The following ADGRL3 variants were observed in gnomAD, a reference collection of about 807,000 sequenced individuals.
The protein encoded by ADGRL3 is calcium-independent alpha-latrotoxin receptor 3.
In ADGRL3, 62 loss-of-function variants were observed where a neutral mutation model predicts 153.5. That is an observed-to-expected ratio of 0.40 (90% CI 0.33 to 0.50). The LOEUF is 0.50. Among genes scored for constraint, ADGRL3 ranks in the 20% least tolerant of loss-of-function variants. ADGRL3 has a pLI of 0.47. For synonymous variants in ADGRL3, 710 were observed against 672.5 expected (o/e 1.06, Z -0.86); for missense variants, 1,641 against 1,859.4 (o/e 0.88, Z 2.16).
intron 1 of ADGRL3, among the ~76,000 whole-genome samples, chr4:61,311,880 A>G (rs1420969540): frequency 2.0e-5 from 3 of 152,120 alleles, no homozygotes; most frequent in African/African-American, 7.2e-5. Context: ...TGTGATAGAA[A>G]CCATGGGCTT....
intron 13 of ADGRL3, among the ~76,000 whole-genome samples, chr4:61,919,182 T>C (rs1359005885): frequency 6.6e-6 from 1 of 152,178 alleles, no homozygotes; most frequent in Non-Finnish European, 1.5e-5. Flanking sequence ...TACAATGTAG[T>C]ATATTAACTG....
At chr4:61,797,058 C>G (rs1405513796) in intron 8 of ADGRL3, among the ~76,000 whole-genome samples, 1 of 152,114 alleles carries the variant, frequency 6.6e-6, no homozygotes, top group African/African-American at 2.4e-5. Flanking sequence ...GGCATAGCAC[C>G]CCTTTACTTC....
At chr4:61,636,960 G>A (rs1183977454) in intron 5 of ADGRL3, among the ~76,000 whole-genome samples, 1 of 152,012 alleles carries the variant, frequency 6.6e-6, no homozygotes, top group Non-Finnish European at 1.5e-5. Context: ...ATAATTGAAG[G>A]TATACTATTA....
At chr4:61,517,254 C>T (rs1049985638) in intron 3 of ADGRL3, 61 bp from the exon 4 acceptor site, 20 of 688,598 alleles carry the variant, frequency 2.9e-5, no homozygotes, top group South Asian at 2.9e-4. Flanking sequence ...TCTACCAGGG[C>T]TCCCCTGAGG....
intron 6 of ADGRL3, among the ~76,000 whole-genome samples, chr4:61,725,373 G>A (rs1311415282): frequency 6.6e-6 from 1 of 151,970 alleles, no homozygotes; most frequent in Admixed American, 6.6e-5. Context: ...AGCACTTTGG[G>A]AGGCTGAGAC....
chr4:61,728,198 C>T (rs28505735), intron 6 of ADGRL3, among the ~76,000 whole-genome samples: 66,466 of 151,736 alleles, frequency 0.44, 14,795 homozygotes, highest in Admixed American at 0.54. Flanking sequence ...GATAAATGAG[C>T]TACAGCCAGT....
chr4:61,702,446 A>T (rs755980006), intron 6 of ADGRL3, among the ~76,000 whole-genome samples: 6 of 152,178 alleles, frequency 3.9e-5, no homozygotes, highest in Non-Finnish European at 5.9e-5. Flanking sequence ...AGGCTGTTTT[A>T]TAACTTTATT....
chr4:61,760,459 G>T (rs187393481), intron 8 of ADGRL3, among the ~76,000 whole-genome samples: 38 of 152,332 alleles, frequency 2.5e-4, no homozygotes, highest in Admixed American at 7.2e-4. Flanking sequence ...CTCTGAGCCA[G>T]GCACGGGATA....
chr4:61,561,152 T>G (rs2098793409), intron 4 of ADGRL3, among the ~76,000 whole-genome samples: 1 of 152,170 alleles, frequency 6.6e-6, no homozygotes, highest in Non-Finnish European at 1.5e-5. Context: ...CTAGATTCAG[T>G]TCTATTAGGA....
chr4:61,202,899 A>C lies in ADGRL3; in HGVS notation c.-240+1134A>C, dbSNP rs776989689. Among the ~76,000 whole-genome samples the C allele has an allele frequency of 1.3e-5, 2 of 152,166 alleles. No homozygotes were observed. The highest frequency in any genetic ancestry group is 2.9e-5 in the Non-Finnish European group (2 of 68,026). On this transcript the variant is annotated intron_variant, in intron 1 of 26. Transcript: ENST00000683033. The surrounding 1 kb of genome is among the most constrained non-coding windows in gnomAD (Gnocchi z 5.0). ...GATATTTGCGGGGATGCCGGAGCTGATGCTGCTGGAGCTGAGCTTGCTTAT... is the reference window on the plus strand; with the variant it reads ...GATATTTGCGGGGATGCCGGAGCTGCTGCTGCTGGAGCTGAGCTTGCTTAT...
intron 17 of ADGRL3, among the ~76,000 whole-genome samples, chr4:61,971,448 A>G (rs1239696202): frequency 6.6e-6 from 1 of 151,990 alleles, no homozygotes; most frequent in Non-Finnish European, 1.5e-5. Context: ...GAGAATGATG[A>G]TTTCCAATTT....
In ADGRL3 at chr4:61,813,853, C is replaced by A; in HGVS notation, c.1444C>A (p.His482Asn). 1.3e-6 allele frequency: 2 copies of A among 1,575,240 alleles called. No individual in the cohort carries two copies. Among genetic ancestry groups the A allele is most frequent in the Non-Finnish European group, 1.7e-6 (2 of 1,144,750 alleles). Residue 482 changes from histidine (H) to asparagine (N), a missense_variant, in exon 9 of 27, where the codon CAC becomes AAC. By Grantham distance (68) the His-to-Asn change is moderately conservative. This residue lies in a region of ADGRL3 where 734 missense variants were observed against 797.0 expected (regional missense o/e 0.92). Transcript: ENST00000683033. ...AGTTTCATACATTTCTCCGCCAATT[C>A]ACCTTGACTCTGAGCTAGAAAGACC... The part of the protein sequence containing the change: ...GQVSYISPPI[H>N]LDSELERPSV...
intron 4 of ADGRL3, among the ~76,000 whole-genome samples, chr4:61,546,188 A>C (rs2098713177): frequency 6.6e-6 from 1 of 152,192 alleles, no homozygotes; most frequent in South Asian, 2.1e-4. Flanking sequence ...TCCGGATTTC[A>C]ACTCTCTGAC....
chr4:61,276,145 G>A (rs1484906422), intron 1 of ADGRL3, among the ~76,000 whole-genome samples: 2 of 152,096 alleles, frequency 1.3e-5, no homozygotes, highest in Non-Finnish European at 2.9e-5. Context: ...ATTAAATAAA[G>A]GTCATGCTGC....
intron 1 of ADGRL3, among the ~76,000 whole-genome samples, chr4:61,301,964 C>T (rs2094592020): frequency 6.6e-6 from 1 of 152,116 alleles, no homozygotes; most frequent in Admixed American, 6.5e-5. Flanking sequence ...CAAGAAATAA[C>T]TTCCTAGAAA....
chr4:61,559,557 C>T (rs1429500972), intron 4 of ADGRL3, among the ~76,000 whole-genome samples: 1 of 152,084 alleles, frequency 6.6e-6, no homozygotes, highest in Non-Finnish European at 1.5e-5. Flanking sequence ...GCGTCTGACA[C>T]ATTGGCAGTA....
chr4:61,991,519 A>G (rs2099103572), intron 19 of ADGRL3, among the ~76,000 whole-genome samples: 1 of 152,118 alleles, frequency 6.6e-6, no homozygotes, highest in African/African-American at 2.4e-5. Flanking sequence ...GGAAATAAAG[A>G]CAACACAATC....
intron 3 of ADGRL3, among the ~76,000 whole-genome samples, chr4:61,512,151 T>G (rs556775775): frequency 4.1e-4 from 63 of 152,206 alleles, no homozygotes; most frequent in Admixed American, 1.8e-3. Flanking sequence ...GCAGTGAAGT[T>G]GGAATAGACA....
At chr4:61,241,294 G>C (rs1354821585) in intron 1 of ADGRL3, among the ~76,000 whole-genome samples, 1 of 151,960 alleles carries the variant, frequency 6.6e-6, no homozygotes, top group Non-Finnish European at 1.5e-5. Flanking sequence ...GATAGTTTTC[G>C]TGAGCATGTA....
Sources: allele counts gnomAD v4.1 joint callset (sites outside exome capture counted in the v4.1 genomes callset), GRCh38; gene constraint gnomAD v4.1.1; regional missense constraint gnomAD v4.1.1; non-coding constraint Gnocchi (gnomAD v3.1); transcripts MANE v1.5; gene names NCBI Gene and HGNC (gene_info 2026-07-23, HGNC 2026-07-21).